Variants in ADD2 observed in about 807,000 individuals in gnomAD.
ADD2 encodes the protein beta-adducin.
A neutral mutation model predicts 83.0 loss-of-function variants in ADD2; 23 were observed. The ratio of observed to expected loss-of-function variants is 0.28; its 90% confidence interval spans 0.20 to 0.39. ADD2 has a LOEUF of 0.39. Ranked by LOEUF, ADD2 falls within the 10% of genes least tolerant of loss-of-function variation. The probability of loss-of-function intolerance (pLI) is 1.00; values close to 1 mark genes in which losing one functional copy is unlikely to be tolerated. For missense variants in ADD2, 758 were observed against 944.9 expected (o/e 0.80, Z 2.59); for synonymous variants, 375 against 375.4 (o/e 1.00, Z 0.01).
At position 70,706,603 on chromosome 2, in the gene ADD2, C is replaced by A. The variant is rs1193340269; in HGVS notation, c.-34-161G>T. Among the ~76,000 whole-genome samples the A allele has an allele frequency of 6.6e-6, 1 of 152,178 alleles. No individual in the cohort carries two copies. Among genetic ancestry groups the A allele is most frequent in the African/African-American group, 2.4e-5 (1 of 41,442 alleles). On this transcript the variant is annotated intron_variant, in intron 2 of 15. Coordinates refer to ENST00000264436, the MANE Select transcript of ADD2 (RefSeq NM_001617.4). The surrounding 1 kb of genome is among the most constrained non-coding windows in gnomAD (Gnocchi z 5.0). ...GGGGAGGAGGGCAGGACGCCAGCAGCGGCCCCATATACCCATCTATAGGGG... is the reference window on the plus strand; with the variant it reads ...GGGGAGGAGGGCAGGACGCCAGCAGAGGCCCCATATACCCATCTATAGGGG...
chr2:70,677,992 A>C (rs1410527135), intron 11 of ADD2, 115 bp from the exon 12 acceptor site: 106 of 1,334,652 alleles, frequency 7.9e-5, no homozygotes, highest in Non-Finnish European at 2.1e-5. Context: ...CAGCAAGCCT[A>C]CTCATAGACA....
chr2:70,668,656 T>C (rs1669779199), intron 15 of ADD2, among the ~76,000 whole-genome samples: 1 of 152,204 alleles, frequency 6.6e-6, no homozygotes, highest in Non-Finnish European at 1.5e-5. Flanking sequence ...AGAGGATGCC[T>C]TGTATCAGCT....
chr2:70,683,535 T>C (rs1670567305), intron 10 of ADD2, 56 bp downstream of exon 10: 3 of 1,542,930 alleles, frequency 1.9e-6, no homozygotes, highest in Non-Finnish European at 1.8e-6. Context: ...ACTTCCTGGT[T>C]CCAGGGGGCT....
In ADD2 at chr2:70,678,938, A is replaced by G; in HGVS notation, c.1149T>C (p.Tyr383=). 6.2e-7 allele frequency: 1 copy of G among 1,613,578 alleles called. No homozygotes were observed. The highest frequency in any genetic ancestry group is 1.1e-5 in the South Asian group (1 of 90,908). Residue 383 remains tyrosine, a synonymous_variant, in exon 11 of 16, where the codon TAT becomes TAC. Transcript: ENST00000264436. Reference sequence around the variant, plus strand: ...TTTTCTCTTGAACAAAGGGGTGGCGATACGTGTAACCTGTTCTGTAGCCCT... The same window carrying G: ...TTTTCTCTTGAACAAAGGGGTGGCGGTACGTGTAACCTGTTCTGTAGCCCT... ...DNLGYRTGYT[Y]RHPFVQEKTK...
intron 1 of ADD2, among the ~76,000 whole-genome samples, chr2:70,718,609 A>G (rs1672587447): frequency 6.6e-6 from 1 of 152,212 alleles, no homozygotes; most frequent in Non-Finnish European, 1.5e-5. Context: ...CTGAAGAAAG[A>G]CATTATTCAA....
chr2:70,702,989 T>C (rs1671677322), intron 4 of ADD2, among the ~76,000 whole-genome samples: 2 of 152,012 alleles, frequency 1.3e-5, no homozygotes, highest in African/African-American at 4.8e-5. Flanking sequence ...TAGCCAGGCA[T>C]GTGGTGCGTG....
At position 70,692,483 on chromosome 2, in the gene ADD2, A is replaced by G; in HGVS notation, c.625T>C (p.Phe209Leu). The change falls in exon 7 of 16, where the codon TTC becomes CTC. Residue 209 changes from phenylalanine (F) to leucine (L), a missense_variant. Coordinates refer to ENST00000264436, the MANE Select transcript of ADD2 (RefSeq NM_001617.4). ...GCATAGATGGCCGAGTGCAGACAGAAGCCTGTGGTGTCCACTGGGAAGCAG... is the reference window on the plus strand; with the variant it reads ...GCATAGATGGCCGAGTGCAGACAGAGGCCTGTGGTGTCCACTGGGAAGCAG... ...SSCFPVDTTGFCLHSAIYAAR... is the reference protein window; with the variant it reads ...SSCFPVDTTGLCLHSAIYAAR... The G allele has an allele frequency of 6.2e-7, 1 of 1,613,160 alleles. No homozygotes were observed. The highest frequency in any genetic ancestry group is 8.5e-7 in the Non-Finnish European group (1 of 1,179,706).
rs1675475893 is a variant in ADD2 at position 70,659,677 on chromosome 2, GA to G, written c.*3747del. ...GCATGCAGGCCAGGAGGCTCTTAGG[GA>G]GTCCAGATCTGGGCTAGAAGGTGTC... On this transcript the variant is annotated 3_prime_UTR_variant, in exon 16 of 16. Coordinates refer to ENST00000264436, the MANE Select transcript of ADD2 (RefSeq NM_001617.4). 1 of 152,278 alleles carries G rather than the reference GA, an allele frequency of 6.6e-6. No homozygotes were observed. The highest frequency in any genetic ancestry group is 1.5e-5 in the Non-Finnish European group (1 of 68,132). 9.4% of individuals were successfully genotyped at this position (152,278 alleles called of 1,614,324 possible).
At chr2:70,683,269 T>C (rs1553369868) in intron 10 of ADD2, among the ~76,000 whole-genome samples, 2 of 152,098 alleles carry the variant, frequency 1.3e-5, no homozygotes, top group African/African-American at 4.8e-5. Flanking sequence ...CCTTGTGATC[T>C]GCCTGCCTCG....
rs142626739 is a variant in ADD2, at chr2:70,682,480, C to T, written c.1125+1111G>A. ...ACAAAGTAGAGATGATTTGGAGGAA[C>T]TGAAGACAGGGAGAAATGTATTAAT... On this transcript the variant is annotated intron_variant, in intron 10 of 15. Transcript: ENST00000264436. Among the ~76,000 whole-genome samples, 433 of 152,204 alleles carry T rather than the reference C, an allele frequency of 2.8e-3. 3 individuals are homozygous for T. Among genetic ancestry groups the T allele is most frequent in the Non-Finnish European group, 4.3e-3 (292 of 68,020 alleles).
chr2:70,746,905 G>A (rs571892499), intron 1 of ADD2, among the ~76,000 whole-genome samples: 1 of 150,298 alleles, frequency 6.7e-6, no homozygotes, highest in Admixed American at 6.6e-5. Flanking sequence ...TTATCCAAAT[G>A]TCTACTCTTC....
chr2:70,712,798 C>G (rs1553375686), intron 2 of ADD2, among the ~76,000 whole-genome samples: 1 of 152,158 alleles, frequency 6.6e-6, no homozygotes, highest in Non-Finnish European at 1.5e-5. Flanking sequence ...GGGGAGTTCT[C>G]CCTGCTGGGA....
intron 2 of ADD2, chr2:70,711,369 G>A (rs1448790137): frequency 6.6e-6 from 1 of 152,056 alleles, no homozygotes; most frequent in Non-Finnish European, 1.5e-5. Context: ...TCAAGGAAGG[G>A]TCTAGCCACC....
chr2:70,756,071 GAAAAAA>G (rs10549289), intron 1 of ADD2, among the ~76,000 whole-genome samples: 6 of 117,398 alleles, frequency 5.1e-5, no homozygotes, highest in African/African-American at 1.7e-4. Flanking sequence ...GCAAAAAAAA[GAAAAAA>G]AAAAAAAAAA....
At chr2:70,664,651 C>T (rs1376726019) in intron 15 of ADD2, among the ~76,000 whole-genome samples, 1 of 152,190 alleles carries the variant, frequency 6.6e-6, no homozygotes, top group Non-Finnish European at 1.5e-5. Flanking sequence ...TACCAACTTC[C>T]GGTTCAGCTT....
At chr2:70,730,238 G>A (rs1050430619) in intron 1 of ADD2, among the ~76,000 whole-genome samples, 6 of 152,204 alleles carry the variant, frequency 3.9e-5, no homozygotes, top group Admixed American at 1.3e-4. Context: ...GAATGGAGTG[G>A]TGAGAAGATG....
intron 1 of ADD2, among the ~76,000 whole-genome samples, chr2:70,732,336 C>CA (rs1673326775): frequency 2.0e-5 from 3 of 152,214 alleles, no homozygotes; most frequent in African/African-American, 7.2e-5. Flanking sequence ...TTGCTGAATG[C>CA]TGAGCTTACA....
chr2:70,729,210 G>A (rs183667748), intron 1 of ADD2, among the ~76,000 whole-genome samples: 22 of 152,270 alleles, frequency 1.4e-4, no homozygotes, highest in African/African-American at 4.8e-4. Flanking sequence ...TACCTCCTCC[G>A]TGGCCCCAGC....
intron 8 of ADD2, 33 bp downstream of exon 8, chr2:70,690,753 T>C: frequency 1.3e-6 from 2 of 1,595,594 alleles, no homozygotes; most frequent in Non-Finnish European, 1.7e-6. Flanking sequence ...ACAATGCCAC[T>C]CTAGATTATT....
Sources: gnomAD v4.1 joint callset for allele counts (sites outside exome capture counted in the v4.1 genomes callset) on GRCh38, gnomAD v4.1.1 for gene constraint, Gnocchi (gnomAD v3.1) non-coding constraint, MANE v1.5 for transcripts, NCBI Gene and HGNC (gene_info 2026-07-23, HGNC 2026-07-21) for gene names.